Variants in PTPN4 observed in about 807,000 individuals in gnomAD.
The protein encoded by PTPN4 is protein tyrosine phosphatase non-receptor type 4.
Under a neutral mutation model 135.5 loss-of-function variants are expected in PTPN4, and 49 were observed. The ratio of observed to expected loss-of-function variants is 0.36; its 90% CI spans 0.29 to 0.46. The LOEUF (loss-of-function observed/expected upper bound fraction) is 0.46, where lower values mean the gene tolerates loss of function less well. PTPN4 is among the 20% of genes least tolerant of loss of function. The probability of loss-of-function intolerance (pLI) is 1.00; values close to 1 mark genes in which losing one functional copy is unlikely to be tolerated. For missense variants in PTPN4, 860 were observed against 1,101.0 expected (o/e 0.78, Z 3.10); for synonymous variants, 333 against 369.9 (o/e 0.90, Z 1.14).
intron 2 of PTPN4, among the ~76,000 whole-genome samples, chr2:119,818,070 A>C (rs980704784): frequency 6.6e-6 from 1 of 152,154 alleles, no homozygotes; most frequent in African/African-American, 2.4e-5. Context: ...GGCTGAGACT[A>C]TGGGGTTTTC....
chr2:119,878,672 T>C (rs963730537), intron 5 of PTPN4, among the ~76,000 whole-genome samples: 2 of 146,168 alleles, frequency 1.4e-5, no homozygotes, highest in Non-Finnish European at 1.5e-5. Context: ...TGTTTTGGGG[T>C]GGGTGCGCAG....
chr2:119,852,097 T>G (rs1677600722), intron 2 of PTPN4, among the ~76,000 whole-genome samples: 1 of 152,238 alleles, frequency 6.6e-6, no homozygotes, highest in South Asian at 2.1e-4. Flanking sequence ...TTGTAAATGT[T>G]TTTGGAGTGT....
intron 12 of PTPN4, among the ~76,000 whole-genome samples, chr2:119,923,108 G>A (rs754506008): frequency 1.3e-5 from 2 of 152,170 alleles, no homozygotes; most frequent in Non-Finnish European, 2.9e-5. Flanking sequence ...GGCCAGGCAT[G>A]GGGGCCTGTA....
chr2:119,824,134 A>G (rs1285708155), intron 2 of PTPN4, among the ~76,000 whole-genome samples: 1 of 152,068 alleles, frequency 6.6e-6, no homozygotes, highest in Non-Finnish European at 1.5e-5. Flanking sequence ...AATGATTTCT[A>G]TTTCAATTCT....
At chr2:119,803,894 T>C (rs1054073554) in intron 1 of PTPN4, among the ~76,000 whole-genome samples, 61 of 152,188 alleles carry the variant, frequency 4.0e-4, no homozygotes, top group African/African-American at 1.4e-3. Context: ...CATTATGTAA[T>C]GCCTAATCTG....
At chr2:119,913,832 A>G (rs1276315035) in intron 10 of PTPN4, among the ~76,000 whole-genome samples, 1 of 152,192 alleles carries the variant, frequency 6.6e-6, no homozygotes, top group Non-Finnish European at 1.5e-5. Flanking sequence ...AGAAACATTG[A>G]AAAAGATAAA....
chr2:119,965,597 T>C lies in PTPN4; in HGVS notation c.2510T>C (p.Val837Ala), dbSNP rs1272315603. 1 of 1,614,210 alleles carries C rather than the reference T, an allele frequency of 6.2e-7. No homozygotes were observed. The highest frequency in any genetic ancestry group is 8.5e-7 in the Non-Finnish European group (1 of 1,180,018). ...SSDFLDFVCH[V>A]RNKRAGKEEP... ...GACTTTCTAGATTTTGTTTGTCATG[T>C]ACGAAACAAGAGGGCTGGCAAGGAA... is the stretch of plus-strand genomic sequence containing the variant. The change falls in exon 25 of 27, where the codon GTA becomes GCA. Residue 837 changes from valine to alanine, a missense_variant. Val to Ala is a moderately conservative substitution (Grantham distance 64). Transcript: ENST00000263708.
In PTPN4 at chr2:119,881,695, G is replaced by A. The variant is rs144997347; in HGVS notation, c.369-91G>A. On this transcript the variant is annotated intron_variant, in intron 5 of 26. Transcript: ENST00000263708. ...ATTATAAAAGCAAATATTTAAATAT[G>A]TTTATTTGTTAATGTAAGTATACAG... 2.4e-3 allele frequency: 1,983 copies of A among 835,922 alleles called. 25 individuals carry two copies. Among genetic ancestry groups the A allele is most frequent in the African/African-American group, 0.023 (1,325 of 56,592 alleles). The allele number at this position is 835,922 out of a possible 1,614,324, so 51.8% of individuals were successfully genotyped here. A position where few individuals can be genotyped will look rare whatever the true frequency, so the allele number is the denominator to read the frequency against.
chr2:119,780,052 AT>A (rs113321305), intron 1 of PTPN4, among the ~76,000 whole-genome samples: 3,592 of 151,112 alleles, frequency 0.024, 124 homozygotes, highest in African/African-American at 0.078. Flanking sequence ...GGCTGAAATA[AT>A]TTTTTTTTTA....
rs1277087227 is a variant in PTPN4, at chr2:119,982,091, G to A, written c.*5021G>A. On this transcript the variant is annotated 3_prime_UTR_variant, in exon 27 of 27. Coordinates refer to ENST00000263708, the MANE Select transcript of PTPN4 (RefSeq NM_002830.4). ...GCTAGTTAAAGATTACCATTTTAGG[G>A]GAAAGTTCAAAGGTTTAACTTCCTG... is the stretch of plus-strand genomic sequence containing the variant. 6.6e-6 allele frequency: 1 copy of A among 152,042 alleles called. No individual in the cohort carries two copies. 9.4% of individuals were successfully genotyped at this position (152,042 alleles called of 1,614,324 possible).
chr2:119,848,452 C>T (rs559156706), intron 2 of PTPN4, among the ~76,000 whole-genome samples: 2 of 152,106 alleles, frequency 1.3e-5, no homozygotes, highest in South Asian at 2.1e-4. Context: ...GGATTACAGG[C>T]GTGAGCCACC....
chr2:119,784,301 A>C lies in PTPN4; in HGVS notation c.-18+23917A>C, dbSNP rs553977595. Among the ~76,000 whole-genome samples, 525 of 144,384 alleles carry C rather than the reference A, an allele frequency of 3.6e-3. 3 individuals are homozygous for C. Among genetic ancestry groups the C allele is most frequent in the Non-Finnish European group, 6.4e-3 (421 of 66,196 alleles). The allele number at this position is 144,384 out of a possible 152,430, so 94.7% of individuals were successfully genotyped here. A position where few individuals can be genotyped will look rare whatever the true frequency, so the allele number is the denominator to read the frequency against. On this transcript the variant is annotated intron_variant, in intron 1 of 26. Coordinates refer to ENST00000263708, the MANE Select transcript of PTPN4 (RefSeq NM_002830.4). ...TTTTTTTTTTTTTTTTTGAGACAGAATCTCCTGGGCTCAATCAGTCTTCCT... is the reference window on the plus strand; with the variant it reads ...TTTTTTTTTTTTTTTTTGAGACAGACTCTCCTGGGCTCAATCAGTCTTCCT...
chr2:119,883,303 A>G (rs1678107008), intron 8 of PTPN4, among the ~76,000 whole-genome samples: 1 of 152,146 alleles, frequency 6.6e-6, no homozygotes, highest in Admixed American at 6.5e-5. Flanking sequence ...CTTGGTTTCT[A>G]TACCAAGATA....
chr2:119,930,147 A>G (rs1463231871), intron 13 of PTPN4, among the ~76,000 whole-genome samples: 1 of 152,158 alleles, frequency 6.6e-6, no homozygotes, highest in Non-Finnish European at 1.5e-5. Context: ...CTTCAAATCA[A>G]AAAATCCTAT....
Position 119,766,690 on chromosome 2 carries a change from G to T in PTPN4, c.-18+6306G>T, listed in dbSNP as rs115624943. 1.1e-3 allele frequency among the ~76,000 whole-genome samples: 167 copies of T among 152,276 alleles called. 1 individual carries two copies. Among genetic ancestry groups the T allele is most frequent in the African/African-American group, 3.6e-3 (150 of 41,556 alleles). On this transcript the variant is annotated intron_variant, in intron 1 of 26. Coordinates refer to ENST00000263708, the MANE Select transcript of PTPN4 (RefSeq NM_002830.4). ...TCTAGATAATGATGCAAAGTTACAA[G>T]GATAATGCAAGGATGAGGTTAGAAA...
At chr2:119,901,835 A>T (rs1347956466) in intron 10 of PTPN4, among the ~76,000 whole-genome samples, 1 of 152,234 alleles carries the variant, frequency 6.6e-6, no homozygotes, top group Non-Finnish European at 1.5e-5. Context: ...ATTGCAACAG[A>T]AATGAAGAAT....
At chr2:119,835,791 C>T (rs35405492) in intron 2 of PTPN4, among the ~76,000 whole-genome samples, 3,967 of 152,150 alleles carry the variant, frequency 0.026, 174 homozygotes, top group African/African-American at 0.089. Context: ...AGGAACCGGC[C>T]GGGCATGGTG....
chr2:119,766,478 G>GTGTC (rs1352584312), intron 1 of PTPN4, among the ~76,000 whole-genome samples: 2 of 119,700 alleles, frequency 1.7e-5, no homozygotes, highest in African/African-American at 7.9e-5. Flanking sequence ...GTGTGTGTGT[G>GTGTC]TGTGTCTGTG....
intron 9 of PTPN4, among the ~76,000 whole-genome samples, chr2:119,893,691 G>T (rs1411751390): frequency 1.3e-5 from 2 of 152,130 alleles, no homozygotes; most frequent in Non-Finnish European, 2.9e-5. Flanking sequence ...AGAAGGAGCA[G>T]CCATTCAGAA....
Sources: allele counts gnomAD v4.1 joint callset (sites outside exome capture counted in the v4.1 genomes callset), GRCh38; gene constraint gnomAD v4.1.1; transcripts MANE v1.5; gene names NCBI Gene and HGNC (gene_info 2026-07-23, HGNC 2026-07-21).